Variants in SAMD3 observed in about 807,000 individuals in gnomAD.
SAMD3 encodes sterile alpha motif domain-containing protein 3.
A neutral mutation model predicts 58.5 loss-of-function variants in SAMD3; 63 were observed. The observed-to-expected ratio is 1.08, with a 90% confidence interval of 0.88 to 1.33. SAMD3 has a LOEUF of 1.33. Ranked by LOEUF, SAMD3 falls within the 40% of genes most tolerant of loss-of-function variation. SAMD3 has a pLI of 0.00. For missense variants in SAMD3, 604 were observed against 608.4 expected (o/e 0.99, Z 0.08); for synonymous variants, 220 against 210.3 (o/e 1.05, Z -0.40).
At chr6:130,160,361 A>T (rs1241722776) in intron 8 of SAMD3, 1 of 152,244 alleles carries the variant, frequency 6.6e-6, no homozygotes, top group East Asian at 1.9e-4. Context: ...ATTGATTGAA[A>T]AAAAGGAACT....
rs927105755 is a variant in SAMD3, at chr6:130,168,506, A to C, written c.822+7335T>G. Among the ~76,000 whole-genome samples the C allele has an allele frequency of 3.9e-5, 6 of 152,288 alleles. 1 individual carries two copies. In the East Asian group the frequency reaches 9.7e-4, roughly 24 times the overall value. On this transcript the variant is annotated intron_variant, in intron 8 of 11. Coordinates refer to ENST00000439090, the MANE Select transcript of SAMD3 (RefSeq NM_001017373.4). Reference sequence around the variant, plus strand: ...GACATCTACCTTCAATTCTTTGGTAAATCCCATCAGACCACCAAAGGAAAA... The same window carrying C: ...GACATCTACCTTCAATTCTTTGGTACATCCCATCAGACCACCAAAGGAAAA...
Position 130,324,125 on chromosome 6 carries a change from T to C in SAMD3, c.-303-11032A>G, listed in dbSNP as rs149739587. Among the ~76,000 whole-genome samples the C allele has an allele frequency of 7.7e-3, 1,171 of 152,330 alleles. 19 individuals carry two copies. Among genetic ancestry groups the C allele is most frequent in the African/African-American group, 0.027 (1,117 of 41,574 alleles). ...AAACCTTCAAAATGTCTTAACATTT[T>C]ACATAGAGCAAATTACTGTTAATAA... On this transcript the variant is annotated intron_variant, in intron 1 of 13. Coordinates refer to the SAMD3 transcript ENST00000368134.
At chr6:130,160,851 A>G (rs986613916) in intron 8 of SAMD3, 26 of 152,176 alleles carry the variant, frequency 1.7e-4, no homozygotes, top group Admixed American at 1.3e-3. Context: ...GAAAAATAAA[A>G]ATCTTTAAGC....
chr6:130,158,992 A>G (rs1374536213), intron 8 of SAMD3, among the ~76,000 whole-genome samples: 1 of 152,204 alleles, frequency 6.6e-6, no homozygotes, highest in African/African-American at 2.4e-5. Context: ...ACAAAGTTAT[A>G]TCCCAATGCA....
chr6:130,277,772 T>A (rs1774831325), intron 2 of SAMD3, among the ~76,000 whole-genome samples: 1 of 152,190 alleles, frequency 6.6e-6, no homozygotes, highest in Admixed American at 6.5e-5. Flanking sequence ...AAATTATAAC[T>A]GAGACAATGA....
At chr6:130,179,607 A>C (rs1216435743) in intron 7 of SAMD3, among the ~76,000 whole-genome samples, 3 of 18,388 alleles carry the variant, frequency 1.6e-4, no homozygotes, top group African/African-American at 2.5e-4. Context: ...TGTCTAGGCA[A>C]AAAAAAAAAA....
chr6:130,321,730 T>A (rs143419416), intron 1 of SAMD3, among the ~76,000 whole-genome samples: 1 of 136,340 alleles, frequency 7.3e-6, no homozygotes, highest in Non-Finnish European at 1.5e-5. Flanking sequence ...GAGAACAGCA[T>A]CTTATATCTA....
At chr6:130,308,408 C>CTATTCTATTCTATT (rs1776014533) in intron 2 of SAMD3, among the ~76,000 whole-genome samples, 2 of 143,946 alleles carry the variant, frequency 1.4e-5, no homozygotes, top group African/African-American at 5.3e-5. Flanking sequence ...CTATTCTATT[C>CTATTCTATTCTATT]TATTCTATTC....
chr6:130,329,961 T>C lies in SAMD3; in HGVS notation c.-303-16868A>G, dbSNP rs139769664. 1.3e-5 allele frequency among the ~76,000 whole-genome samples: 2 copies of C among 152,218 alleles called. 1 individual carries two copies. The highest frequency in any genetic ancestry group is 3.9e-4 in the East Asian group (2 of 5,176). Reference sequence around the variant, plus strand: ...GGAGAGCATTAGGACAAACACTTAATGCATGCAGGGCTTAAAACCTAGATG... The same window carrying C: ...GGAGAGCATTAGGACAAACACTTAACGCATGCAGGGCTTAAAACCTAGATG... On this transcript the variant is annotated intron_variant, in intron 1 of 13. Transcript: ENST00000368134.
At chr6:130,213,432 G>C (rs528842318) in intron 4 of SAMD3, among the ~76,000 whole-genome samples, 1 of 151,528 alleles carries the variant, frequency 6.6e-6, no homozygotes, top group Non-Finnish European at 1.5e-5. Context: ...GAATAAACTT[G>C]CTTATGTCAG....
chr6:130,189,577 T>G (rs1300766911), intron 5 of SAMD3, among the ~76,000 whole-genome samples: 1 of 152,196 alleles, frequency 6.6e-6, no homozygotes, highest in Admixed American at 6.5e-5. Flanking sequence ...CACCTTCATT[T>G]TTCACTCCTA....
rs145983614 is a variant in SAMD3, at chr6:130,288,563, G to C, written c.-188+24415C>G. Reference sequence around the variant, plus strand: ...TCAAATTAATCATCACAAGATGGAAGCCAAAGGGACAGGTGAAAGTTCGGC... The same window carrying C: ...TCAAATTAATCATCACAAGATGGAACCCAAAGGGACAGGTGAAAGTTCGGC... On this transcript the variant is annotated intron_variant, in intron 2 of 13. Transcript: ENST00000368134. Among the ~76,000 whole-genome samples, 373 of 152,320 alleles carry C rather than the reference G, an allele frequency of 2.4e-3. 4 individuals are homozygous for C. Among genetic ancestry groups the C allele is most frequent in the African/African-American group, 8.5e-3 (355 of 41,572 alleles).
intron 9 of SAMD3, among the ~76,000 whole-genome samples, chr6:130,153,559 A>T (rs576791115): frequency 6.6e-6 from 1 of 150,884 alleles, no homozygotes; most frequent in South Asian, 2.1e-4. Flanking sequence ...CACCACCAAA[A>T]ATTACACTAA....
At chr6:130,255,469 A>C (rs1247369844) in intron 2 of SAMD3, among the ~76,000 whole-genome samples, 1 of 152,130 alleles carries the variant, frequency 6.6e-6, no homozygotes, top group Non-Finnish European at 1.5e-5. Context: ...TTATATATTT[A>C]TGTGTTCAAA....
In SAMD3 at chr6:130,261,323, G is replaced by C. The variant is rs56200261; in HGVS notation, c.-187-38510C>G. Among the ~76,000 whole-genome samples the C allele has an allele frequency of 1.3e-4, 9 of 71,842 alleles. 1 individual carries two copies. The highest frequency in any genetic ancestry group is 1.8e-4 in the Non-Finnish European group (7 of 39,396). The allele number at this position is 71,842 out of a possible 152,430, so 47.1% of individuals were successfully genotyped here. A position where few individuals can be genotyped will look rare whatever the true frequency, so the allele number is the denominator to read the frequency against. ...TGATCACCCACGGCGTGCCTTTATC[G>C]GCACTTTGGTTTTGGTTTTGACTTG... On this transcript the variant is annotated intron_variant, in intron 2 of 13. Transcript: ENST00000368134.
chr6:130,244,798 G>A (rs6911597), intron 2 of SAMD3, among the ~76,000 whole-genome samples: 10,361 of 151,650 alleles, frequency 0.068, 1,182 homozygotes, highest in African/African-American at 0.24. Context: ...GCACAATAGT[G>A]TGCAGATGCC....
intron 2 of SAMD3, among the ~76,000 whole-genome samples, chr6:130,293,830 C>G (rs996441351): frequency 6.6e-6 from 1 of 151,812 alleles, no homozygotes; most frequent in Non-Finnish European, 1.5e-5. Flanking sequence ...TAGTTTGTCT[C>G]GTGAGTCTCT....
chr6:130,289,474 G>T (rs1775286865), intron 2 of SAMD3, among the ~76,000 whole-genome samples: 1 of 142,600 alleles, frequency 7.0e-6, no homozygotes. Context: ...TTATTTGAGA[G>T]GTAGTAAAAG....
chr6:130,342,476 T>C (rs918016946), intron 1 of SAMD3, among the ~76,000 whole-genome samples: 2 of 152,168 alleles, frequency 1.3e-5, no homozygotes, highest in Non-Finnish European at 2.9e-5. Flanking sequence ...TGCAATCACA[T>C]TTATAATTAA....
Sources: allele counts gnomAD v4.1 joint callset (sites outside exome capture counted in the v4.1 genomes callset), GRCh38; gene constraint gnomAD v4.1.1; transcripts MANE v1.5; gene names NCBI Gene and HGNC (gene_info 2026-07-23, HGNC 2026-07-21).